The following GNAL variants were observed in gnomAD, a reference collection of about 807,000 sequenced individuals.
GNAL encodes the protein G protein subunit alpha L.
A neutral mutation model predicts 55.1 loss-of-function variants in GNAL; 18 were observed. That is an observed-to-expected ratio of 0.33 (90% CI 0.23 to 0.48). The LOEUF is 0.48. GNAL is among the 20% of genes least tolerant of loss of function. The pLI, the probability that GNAL is intolerant of heterozygous loss-of-function variation, is 0.99. For missense variants in GNAL, 412 were observed against 614.1 expected (o/e 0.67, Z 3.48); for synonymous variants, 253 against 237.0 (o/e 1.07, Z -0.62).
At chr18:11,817,310 A>C (rs1461375091) in intron 4 of GNAL, among the ~76,000 whole-genome samples, 1 of 152,190 alleles carries the variant, frequency 6.6e-6, no homozygotes, top group African/African-American at 2.4e-5. Flanking sequence ...AGGTTTGACC[A>C]CTTCCTAGTT....
At chr18:11,870,063 A>T (rs527388675) in intron 9 of GNAL, among the ~76,000 whole-genome samples, 1 of 152,124 alleles carries the variant, frequency 6.6e-6, no homozygotes, top group Non-Finnish European at 1.5e-5. Flanking sequence ...ATACGGGAGG[A>T]TGTGCATGGT....
chr18:11,851,031 T>C (rs569482240), intron 5 of GNAL, among the ~76,000 whole-genome samples: 21 of 152,350 alleles, frequency 1.4e-4, no homozygotes, highest in African/African-American at 4.3e-4. Context: ...CTAGCTGATG[T>C]TTGGCTGGTT....
At chr18:11,757,771 C>T (rs942718633) in intron 4 of GNAL, among the ~76,000 whole-genome samples, 1 of 152,188 alleles carries the variant, frequency 6.6e-6, no homozygotes, top group South Asian at 2.1e-4. Flanking sequence ...ATGCGTGAGG[C>T]CCCAGGAGGA....
intron 4 of GNAL, among the ~76,000 whole-genome samples, chr18:11,806,728 A>AAC (rs1348669773): frequency 1.5e-5 from 2 of 135,614 alleles, no homozygotes; most frequent in Non-Finnish European, 3.1e-5. Context: ...ATTGTGAAGT[A>AAC]CTCTTTTTTT....
chr18:11,754,998 A>ATGTGTGTGTGTGTGTGTGTG (rs59291287), intron 4 of GNAL, among the ~76,000 whole-genome samples: 1 of 149,048 alleles, frequency 6.7e-6, no homozygotes, highest in Admixed American at 6.7e-5. Context: ...GTGAGTGTGT[A>ATGTGTGTGTGTGTGTGTGTG]TGTGTGTGTG....
chr18:11,865,643 T>C (rs2036246202), intron 7 of GNAL, among the ~76,000 whole-genome samples: 1 of 145,130 alleles, frequency 6.9e-6, no homozygotes, highest in Non-Finnish European at 1.5e-5. Flanking sequence ...TGGTCCTAGC[T>C]ACTCAGGAGG....
In GNAL at chr18:11,883,679, C is replaced by T. The variant is rs2036786532; in HGVS notation, c.*2544C>T. ...TACGAAAACAATATGTTCTGCACAT[C>T]ACATCTGTACTTTTTTTTTTTTAAA... On this transcript the variant is annotated 3_prime_UTR_variant, in exon 12 of 12. Transcript: ENST00000334049. The T allele has an allele frequency of 6.6e-6, 1 of 152,584 alleles. No individual in the cohort carries two copies. 9.5% of individuals were successfully genotyped at this position (152,584 alleles called of 1,614,324 possible).
chr18:11,820,701 CA>C (rs2035069034), intron 4 of GNAL, among the ~76,000 whole-genome samples: 1 of 152,198 alleles, frequency 6.6e-6, no homozygotes, highest in Non-Finnish European at 1.5e-5. Context: ...ATCACAACAG[CA>C]GCCCTGGAAT....
intron 4 of GNAL, among the ~76,000 whole-genome samples, chr18:11,777,747 A>C (rs114616137): frequency 3.6e-4 from 54 of 152,106 alleles, no homozygotes; most frequent in Non-Finnish European, 6.2e-4. Context: ...TGGAATTTCA[A>C]CCTACCCGGA....
intron 5 of GNAL, chr18:11,851,952 C>A: frequency 6.2e-7 from 1 of 1,613,974 alleles, no homozygotes; most frequent in Non-Finnish European, 8.5e-7. Context: ...CTCCCCAGAA[C>A]CAAGTGGATA....
intron 1 of GNAL, among the ~76,000 whole-genome samples, chr18:11,705,750 C>CT (rs749198189): frequency 0.012 from 1,475 of 118,336 alleles, 23 homozygotes; most frequent in East Asian, 0.029. Flanking sequence ...ATTTCTATGT[C>CT]TTTTTTTTTT....
intron 5 of GNAL, among the ~76,000 whole-genome samples, chr18:11,859,572 C>T (rs1452827587): frequency 6.6e-6 from 1 of 152,142 alleles, no homozygotes; most frequent in African/African-American, 2.4e-5. Flanking sequence ...GTTCCTTCCC[C>T]TCTGGAGCCA....
chr18:11,775,038 C>T (rs2033741202), intron 4 of GNAL, among the ~76,000 whole-genome samples: 1 of 152,236 alleles, frequency 6.6e-6, no homozygotes, highest in African/African-American at 2.4e-5. Flanking sequence ...GAGTGGCCAT[C>T]GCTCGGCTCA....
At chr18:11,723,066 C>A (rs1034765701) in intron 1 of GNAL, among the ~76,000 whole-genome samples, 1 of 150,912 alleles carries the variant, frequency 6.6e-6, no homozygotes, top group Non-Finnish European at 1.5e-5. Context: ...TGCCTGTAAT[C>A]CCAGCTACTC....
intron 4 of GNAL, among the ~76,000 whole-genome samples, chr18:11,796,595 A>C (rs542121935): frequency 0.01 from 1,499 of 149,128 alleles, 1 homozygote; most frequent in Non-Finnish European, 0.016. Flanking sequence ...AAAAAAAAAA[A>C]CAAAACACGC....
At chr18:11,747,979 C>A (rs562202075) in intron 1 of GNAL, among the ~76,000 whole-genome samples, 22 of 152,246 alleles carry the variant, frequency 1.4e-4, no homozygotes, top group African/African-American at 5.3e-4. Flanking sequence ...TGGCAGCGGG[C>A]GCCACTCTGC....
At chr18:11,745,344 A>G (rs2032666733) in intron 1 of GNAL, among the ~76,000 whole-genome samples, 1 of 152,218 alleles carries the variant, frequency 6.6e-6, no homozygotes, top group South Asian at 2.1e-4. Flanking sequence ...TGGGGACTTA[A>G]GCTCAGCTAA....
intron 4 of GNAL, among the ~76,000 whole-genome samples, chr18:11,796,794 G>C (rs1011185863): frequency 2.0e-5 from 3 of 151,998 alleles, no homozygotes; most frequent in African/African-American, 7.3e-5. Context: ...TCTACAACCT[G>C]ATTTTTAATG....
chr18:11,786,723 T>C (rs2034073165), intron 4 of GNAL, among the ~76,000 whole-genome samples: 1 of 151,734 alleles, frequency 6.6e-6, no homozygotes, highest in Non-Finnish European at 1.5e-5. Context: ...AGTGCTGGGA[T>C]TACAGACGTG....
Sources: gnomAD v4.1 joint callset for allele counts (sites outside exome capture counted in the v4.1 genomes callset) on GRCh38, gnomAD v4.1.1 for gene constraint, MANE v1.5 for transcripts, NCBI Gene and HGNC (gene_info 2026-07-23, HGNC 2026-07-21) for gene names.